GRM4: variants seen among roughly 807,000 people sequenced by gnomAD.
GRM4 encodes the protein metabotropic glutamate receptor 4.
Under a neutral mutation model 81.7 loss-of-function variants are expected in GRM4, and 28 were observed. The ratio of observed to expected loss-of-function variants is 0.34; its 90% CI spans 0.25 to 0.47. GRM4 has a LOEUF of 0.47. Ranked by LOEUF, GRM4 falls within the 20% of genes least tolerant of loss-of-function variation. The pLI is 1.00. For missense variants in GRM4, 948 were observed against 1,290.0 expected (o/e 0.73, Z 4.06); for synonymous variants, 488 against 528.8 (o/e 0.92, Z 1.06).
chr6:34,031,872 ACAT>A (rs1764445001), intron 9 of GRM4, among the ~76,000 whole-genome samples: 1 of 152,180 alleles, frequency 6.6e-6, no homozygotes, highest in South Asian at 2.1e-4. Flanking sequence ...GCTCACACAC[ACAT>A]CAATATACAC....
chr6:34,126,620 C>T (rs903717056), intron 2 of GRM4, among the ~76,000 whole-genome samples: 1 of 152,234 alleles, frequency 6.6e-6, no homozygotes, highest in Non-Finnish European at 1.5e-5. Flanking sequence ...CTAGTGGGCA[C>T]TGGCTTGACC....
chr6:34,128,040 A>AGGAG (rs1770088695), intron 2 of GRM4, among the ~76,000 whole-genome samples: 2 of 152,192 alleles, frequency 1.3e-5, no homozygotes, highest in Non-Finnish European at 2.9e-5. Context: ...GGTGGCACAT[A>AGGAG]CAGGCCACCT....
chr6:34,094,562 T>C (rs1159954149), intron 2 of GRM4, among the ~76,000 whole-genome samples: 18 of 152,188 alleles, frequency 1.2e-4, no homozygotes, highest in Admixed American at 1.2e-3. Context: ...TTTTAGGAAG[T>C]CTTGTGTTTT....
chr6:34,059,419 CTCTCCCCT>C lies in GRM4; in HGVS notation c.873-299_873-292del. The C allele has an allele frequency of 2.3e-6, 1 of 429,636 alleles. No individual in the cohort carries two copies. Among genetic ancestry groups the C allele is most frequent in the Non-Finnish European group, 4.3e-6 (1 of 233,400 alleles). The allele number at this position is 429,636 out of a possible 1,614,324, so 26.6% of individuals were successfully genotyped here. A position where few individuals can be genotyped will look rare whatever the true frequency, so the allele number is the denominator to read the frequency against. The stretch of plus-strand genomic sequence containing the variant: ...ACATCTGTCCCTGCAAAGACCACAC[CTCTCCCCT>C]CCAGATCCACACCCGCCCCACGTCT... On this transcript the variant is annotated intron_variant, in intron 4 of 10. Transcript: ENST00000538487. This position sits in a 1 kb window ranked among gnomAD's most constrained non-coding sequence, Gnocchi z 5.7.
At position 34,058,980 on chromosome 6, in the gene GRM4, C is replaced by A; in HGVS notation, c.1021G>T (p.Val341Leu). ...AVTILPKRMS[V>L]RGFDRYFSSR... is the part of the protein sequence containing the mutation. ...TGCACCCGCCCAGCCTTACCTCGTACGGACATCCTCTTGGGGAGGATCGTG... is the reference window on the plus strand; with the variant it reads ...TGCACCCGCCCAGCCTTACCTCGTAAGGACATCCTCTTGGGGAGGATCGTG... Residue 341 changes from valine to leucine, a missense_variant, in exon 5 of 11, where the codon GTA (valine) becomes TTA (leucine). Val to Leu is a conservative substitution (Grantham distance 32). Transcript: ENST00000538487. The A allele has an allele frequency of 6.2e-7, 1 of 1,612,224 alleles. No homozygotes were observed. The highest frequency in any genetic ancestry group is 8.5e-7 in the Non-Finnish European group (1 of 1,179,664).
rs1238801659 is a variant in GRM4 at position 34,040,160 on chromosome 6, C to T, written c.1506+18G>A. The T allele has an allele frequency of 3.1e-6, 5 of 1,612,310 alleles. No homozygotes were observed. The highest frequency in any genetic ancestry group is 4.2e-6 in the Non-Finnish European group (5 of 1,178,586). ...CTGCGTGAGTCACTCTCCACCCACT[C>T]CCTGCCCTCCCACTTACTCTAAGGT... On this transcript the variant is annotated intron_variant, in intron 8 of 10. Transcript: ENST00000538487.
At chr6:34,151,229 C>T (rs1036584989) in intron 1 of GRM4, among the ~76,000 whole-genome samples, 17 of 152,130 alleles carry the variant, frequency 1.1e-4, no homozygotes, top group African/African-American at 1.2e-4. Context: ...GACACTGTGC[C>T]GAGTTTACAG....
intron 6 of GRM4, among the ~76,000 whole-genome samples, chr6:34,041,979 T>C (rs1244542243): frequency 6.6e-6 from 1 of 152,186 alleles, no homozygotes; most frequent in East Asian, 1.9e-4. Context: ...TAACTGGGCA[T>C]GGTGGCTCAC....
chr6:34,114,896 C>T lies in GRM4; in HGVS notation c.519+18082G>A, dbSNP rs1430377189. ...CCCCACCACCTGCTCCAGTATCTTGCACAAACTTGGAGCTCCATACATGTT... is the reference window on the plus strand; with the variant it reads ...CCCCACCACCTGCTCCAGTATCTTGTACAAACTTGGAGCTCCATACATGTT... On this transcript the variant is annotated intron_variant, in intron 2 of 10. Transcript: ENST00000538487. This position sits in a 1 kb window ranked among gnomAD's most constrained non-coding sequence, Gnocchi z 4.3. 1.3e-5 allele frequency among the ~76,000 whole-genome samples: 2 copies of T among 152,202 alleles called. No homozygotes were observed. Among genetic ancestry groups the T allele is most frequent in the Non-Finnish European group, 2.9e-5 (2 of 68,044 alleles).
In GRM4 at chr6:34,076,882, A is replaced by AT. The variant is rs372293732; in HGVS notation, c.737-14855dup. 1.7e-3 allele frequency among the ~76,000 whole-genome samples: 257 copies of AT among 151,702 alleles called. 3 individuals carry two copies. The highest frequency in any genetic ancestry group is 6.1e-3 in the African/African-American group (252 of 41,388). The stretch of plus-strand genomic sequence containing the variant: ...GGGCTTGCTTGGCTAGATGGGGGAC[A>AT]TGGGGGGTGGAAGACAGGAACCAGG... On this transcript the variant is annotated intron_variant, in intron 3 of 10. Coordinates refer to ENST00000538487, the MANE Select transcript of GRM4 (RefSeq NM_000841.4).
Position 34,036,525 on chromosome 6 carries a change from GC to G in GRM4, c.1584del (p.Glu528AspfsTer6). On this transcript the variant is annotated frameshift_variant, in exon 9 of 11. Coordinates refer to ENST00000538487, the MANE Select transcript of GRM4 (RefSeq NM_000841.4). LOFTEE classifies it high-confidence loss of function. The surrounding 1 kb of genome is among the most constrained non-coding windows in gnomAD (Gnocchi z 9.0). ...GGCATGCCCTTCACTGTCTTCTTCCGCTCACCCGGTTGGCAGGGCAGGCTGC... is the reference window on the plus strand; with the variant it reads ...GGCATGCCCTTCACTGTCTTCTTCCGTCACCCGGTTGGCAGGGCAGGCTGC... ...SICSLPCQPGERKKTVKGMPC... is the reference protein window; with the variant it reads ...SICSLPCQPGXRKKTVKGMPC... The G allele has an allele frequency of 6.2e-7, 1 of 1,611,256 alleles. No homozygotes were observed. Among genetic ancestry groups the G allele is most frequent in the Non-Finnish European group, 8.5e-7 (1 of 1,178,838 alleles).
intron 8 of GRM4, among the ~76,000 whole-genome samples, chr6:34,039,570 T>G (rs73747250): frequency 0.022 from 3,422 of 152,294 alleles, 122 homozygotes; most frequent in African/African-American, 0.07. Context: ...GCTGGGATAC[T>G]GAGGGCCAGA....
chr6:34,155,330 G>C (rs1483169056), exon 1 of GRM4: 1 of 1,520,532 alleles, frequency 6.6e-7, no homozygotes. Context: ...AGGCGTAGAG[G>C]GGAGCAAGGA....
chr6:34,139,928 G>T (rs1770610735), intron 1 of GRM4, among the ~76,000 whole-genome samples: 1 of 151,970 alleles, frequency 6.6e-6, no homozygotes, highest in Non-Finnish European at 1.5e-5. Context: ...GTGGGCGCTG[G>T]GGAAACACTG....
At position 34,022,389 on chromosome 6, in the gene GRM4, A is replaced by G. The variant is rs1167244459; in HGVS notation, c.*432T>C. On this transcript the variant is annotated 3_prime_UTR_variant, in exon 11 of 11. Transcript: ENST00000538487. This position sits in a 1 kb window ranked among gnomAD's most constrained non-coding sequence, Gnocchi z 5.6. Reference sequence around the variant, plus strand: ...CCAGAAAGGAGACACAGAAAAGGCCAAGAGTACAAGCAGCCGGGGACGCCA... The same window carrying G: ...CCAGAAAGGAGACACAGAAAAGGCCGAGAGTACAAGCAGCCGGGGACGCCA... The G allele has an allele frequency of 1.6e-5, 3 of 190,768 alleles. No homozygotes were observed. The highest frequency in any genetic ancestry group is 2.4e-5 in the African/African-American group (1 of 42,478). 11.8% of individuals were successfully genotyped at this position (190,768 alleles called of 1,614,324 possible).
chr6:34,031,899 T>A (rs1037014979), intron 9 of GRM4, among the ~76,000 whole-genome samples: 5 of 152,062 alleles, frequency 3.3e-5, no homozygotes, highest in Non-Finnish European at 5.9e-5. Flanking sequence ...CGTACCTGCA[T>A]TGACACATAC....
intron 3 of GRM4, among the ~76,000 whole-genome samples, chr6:34,067,498 C>A (rs933330418): frequency 1.2e-4 from 18 of 144,530 alleles, no homozygotes; most frequent in African/African-American, 4.1e-4. Flanking sequence ...TCCTTTCTTC[C>A]TTCTTTCCTT....
At chr6:34,066,469 A>AT (rs761121003) in intron 3 of GRM4, among the ~76,000 whole-genome samples, 20 of 152,246 alleles carry the variant, frequency 1.3e-4, no homozygotes, top group Admixed American at 4.6e-4. Context: ...TAAAGACCAC[A>AT]TACAATATTT....
In GRM4 at chr6:34,034,044, C is replaced by T. The variant is rs1489581112; in HGVS notation, c.2442+1624G>A. On this transcript the variant is annotated intron_variant, in intron 9 of 10. Transcript: ENST00000538487. This position sits in a 1 kb window ranked among gnomAD's most constrained non-coding sequence, Gnocchi z 4.0. ...ATGAGCCACCACACCCAGCCTTGGG[C>T]TCACAGCTCTAGATGCCAGGCTCAG... Among the ~76,000 whole-genome samples, 3 of 152,182 alleles carry T rather than the reference C, an allele frequency of 2.0e-5. No individual in the cohort carries two copies. The highest frequency in any genetic ancestry group is 6.5e-5 in the Admixed American group (1 of 15,278).
Sources: gnomAD v4.1 joint callset for allele counts (sites outside exome capture counted in the v4.1 genomes callset) on GRCh38, gnomAD v4.1.1 for gene constraint, Gnocchi (gnomAD v3.1) non-coding constraint, MANE v1.5 for transcripts, NCBI Gene and HGNC (gene_info 2026-07-23, HGNC 2026-07-21) for gene names.